The following ASZ1 variants were observed in gnomAD, a reference collection of about 807,000 sequenced individuals.
The protein encoded by ASZ1 is ankyrin repeat, SAM and basic leucine zipper domain-containing protein 1.
In ASZ1, 67 loss-of-function variants were observed where a neutral mutation model predicts 61.8. The ratio of observed to expected loss-of-function variants is 1.08; its 90% CI spans 0.89 to 1.33. The LOEUF (loss-of-function observed/expected upper bound fraction) is 1.33. ASZ1 is among the 40% of genes most tolerant of loss of function. The pLI, the probability that ASZ1 is intolerant of heterozygous loss-of-function variation, is 0.00. For synonymous variants in ASZ1, 193 were observed against 192.7 expected (o/e 1.00, Z -0.01); for missense variants, 577 against 554.5 (o/e 1.04, Z -0.41).
At chr7:117,399,165 G>A (rs1796631097) in intron 4 of ASZ1, among the ~76,000 whole-genome samples, 1 of 152,208 alleles carries the variant, frequency 6.6e-6, no homozygotes, top group African/African-American at 2.4e-5. Context: ...AGGAGGTCGA[G>A]GCTGCAGTGA....
At chr7:117,366,251 G>A (rs1795933930) in intron 12 of ASZ1, among the ~76,000 whole-genome samples, 1 of 151,272 alleles carries the variant, frequency 6.6e-6, no homozygotes, top group Non-Finnish European at 1.5e-5. Context: ...GCAATGGAGT[G>A]AGACTCAGTA....
chr7:117,364,131 A>G (rs1253262960), intron 12 of ASZ1, among the ~76,000 whole-genome samples: 6 of 152,250 alleles, frequency 3.9e-5, no homozygotes, highest in Non-Finnish European at 8.8e-5. Flanking sequence ...AAAAAAGTGA[A>G]TCATTATTAT....
rs745450303 is a variant in ASZ1 at position 117,363,570 on chromosome 7, T to A, written c.*26A>T. 15 of 1,555,600 alleles carry A rather than the reference T, an allele frequency of 9.6e-6. No individual in the cohort carries two copies. The South Asian group carries it at 1.4e-4, about 15-fold the overall frequency. On this transcript the variant is annotated 3_prime_UTR_variant, in exon 13 of 13. Coordinates refer to ENST00000284629, the MANE Select transcript of ASZ1 (RefSeq NM_130768.3). Reference sequence around the variant, plus strand: ...TTTGGATGGTTCAATAAGATGTGTATATATAACTTAAAACAAATATTTGGA... The same window carrying A: ...TTTGGATGGTTCAATAAGATGTGTAAATATAACTTAAAACAAATATTTGGA...
intron 4 of ASZ1, among the ~76,000 whole-genome samples, chr7:117,416,268 T>G (rs1366727415): frequency 1.3e-5 from 2 of 152,216 alleles, no homozygotes; most frequent in African/African-American, 4.8e-5. Flanking sequence ...TGCAAGGTGC[T>G]TGTCTGTTTA....
chr7:117,363,437 A>G lies in ASZ1; in HGVS notation c.*159T>C. 2 of 496,092 alleles carry G rather than the reference A, an allele frequency of 4.0e-6. No individual in the cohort carries two copies. Among genetic ancestry groups the G allele is most frequent in the Non-Finnish European group, 6.4e-6 (2 of 310,936 alleles). 30.7% of individuals were successfully genotyped at this position (496,092 alleles called of 1,614,324 possible). A position where few individuals can be genotyped will look rare whatever the true frequency, so the allele number is the denominator to read the frequency against. Reference sequence around the variant, plus strand: ...CAAATTGTATTTATAAGTCAAAGTAACAAACCACTTTTTAAAAAAAAACTC... The same window carrying G: ...CAAATTGTATTTATAAGTCAAAGTAGCAAACCACTTTTTAAAAAAAAACTC... On this transcript the variant is annotated 3_prime_UTR_variant, in exon 13 of 13. Transcript: ENST00000284629.
chr7:117,398,719 C>G (rs1189697037), intron 4 of ASZ1, among the ~76,000 whole-genome samples: 2 of 152,194 alleles, frequency 1.3e-5, no homozygotes, highest in Non-Finnish European at 1.5e-5. Flanking sequence ...TAGGATTACA[C>G]AGGTTACTAT....
intron 4 of ASZ1, 94 bp from the exon 5 acceptor site, chr7:117,385,903 C>T: frequency 2.1e-6 from 2 of 958,012 alleles, no homozygotes; most frequent in Non-Finnish European, 3.1e-6. Context: ...ACCAGTACTG[C>T]TTTGAAAACG....
chr7:117,372,259 C>T (rs928730753), intron 10 of ASZ1, among the ~76,000 whole-genome samples: 12 of 152,170 alleles, frequency 7.9e-5, no homozygotes, highest in Admixed American at 2.6e-4. Context: ...TCCCCCGATC[C>T]CTGTCAGGGG....
At chr7:117,403,687 G>C (rs1796722495) in intron 4 of ASZ1, among the ~76,000 whole-genome samples, 1 of 152,142 alleles carries the variant, frequency 6.6e-6, no homozygotes, top group East Asian at 1.9e-4. Context: ...TGCTGTTATA[G>C]GTCCTTGGAA....
At chr7:117,384,446 T>C (rs919589888) in intron 6 of ASZ1, among the ~76,000 whole-genome samples, 2 of 152,126 alleles carry the variant, frequency 1.3e-5, no homozygotes, top group Admixed American at 6.6e-5. Flanking sequence ...AATGTTTAAA[T>C]AGTATATTAC....
chr7:117,387,063 G>A (rs1796371348), intron 4 of ASZ1, among the ~76,000 whole-genome samples: 1 of 151,392 alleles, frequency 6.6e-6, no homozygotes, highest in African/African-American at 2.4e-5. Context: ...CACTTGGGGG[G>A]CTAAGGCAGG....
chr7:117,379,446 A>G (rs1008031167), intron 10 of ASZ1, among the ~76,000 whole-genome samples: 1 of 151,670 alleles, frequency 6.6e-6, no homozygotes, highest in Non-Finnish European at 1.5e-5. Flanking sequence ...TAGATTTGGG[A>G]TTATTAATAA....
chr7:117,403,405 C>T (rs1019709667), intron 4 of ASZ1, among the ~76,000 whole-genome samples: 4 of 152,070 alleles, frequency 2.6e-5, no homozygotes, highest in African/African-American at 4.8e-5. Context: ...GCCCCACTCA[C>T]GAGTGGTATT....
intron 4 of ASZ1, among the ~76,000 whole-genome samples, chr7:117,402,884 C>T (rs1038584948): frequency 1.1e-4 from 17 of 152,190 alleles, no homozygotes; most frequent in Admixed American, 7.2e-4. Flanking sequence ...GTTTGCCAAG[C>T]GAGACGGCAA....
chr7:117,422,115 T>C, intron 3 of ASZ1, 122 bp downstream of exon 3: 1 of 1,023,008 alleles, frequency 9.8e-7, no homozygotes, highest in African/African-American at 1.6e-5. Context: ...ATTATTTACA[T>C]AGTATAATGA....
chr7:117,382,245 C>A, intron 7 of ASZ1, 101 bp from the exon 8 acceptor site: 1 of 762,408 alleles, frequency 1.3e-6, no homozygotes, highest in South Asian at 1.7e-5. Context: ...ATAATGAATT[C>A]ATGTAGAATA....
chr7:117,366,766 T>G (rs1006792459), intron 12 of ASZ1, among the ~76,000 whole-genome samples: 1 of 152,144 alleles, frequency 6.6e-6, no homozygotes, highest in African/African-American at 2.4e-5. Flanking sequence ...CAGGGGTATT[T>G]CATCCACAAT....
intron 4 of ASZ1, among the ~76,000 whole-genome samples, chr7:117,404,278 G>T (rs1218340831): frequency 6.6e-6 from 1 of 151,770 alleles, no homozygotes; most frequent in East Asian, 1.9e-4. Flanking sequence ...GTGAAGTGCT[G>T]CTCCGGCTTG....
intron 10 of ASZ1, 77 bp downstream of exon 10, chr7:117,379,861 A>G (rs899699318): frequency 2.2e-5 from 21 of 938,288 alleles, no homozygotes; most frequent in Admixed American, 9.3e-5. Context: ...AATGACTCAG[A>G]CATTATGAAA....
Sources: allele counts gnomAD v4.1 joint callset (sites outside exome capture counted in the v4.1 genomes callset), GRCh38; gene constraint gnomAD v4.1.1; transcripts MANE v1.5; gene names NCBI Gene and HGNC (gene_info 2026-07-23, HGNC 2026-07-21).